Variants in HYDIN observed in about 807,000 individuals in gnomAD.
HYDIN encodes axonemal central pair apparatus protein HYDIN.
HYDIN carries 132 observed loss-of-function variants against 403.9 expected under a neutral mutation model. The observed-to-expected ratio is 0.33, with a 90% CI of 0.28 to 0.38. The LOEUF (loss-of-function observed/expected upper bound fraction) is 0.38. Ranked by LOEUF, HYDIN falls within the 10% of genes least tolerant of loss-of-function variation. The pLI is 1.00. For missense variants in HYDIN, 2,827 were observed against 5,009.5 expected (o/e 0.56, Z 13.15); for synonymous variants, 1,202 against 1,891.7 (o/e 0.64, Z 9.46).
At chr16:71,059,788 T>TA (rs1480752566) in intron 18 of HYDIN, among the ~76,000 whole-genome samples, 2 of 152,042 alleles carry the variant, frequency 1.3e-5, no homozygotes, top group African/African-American at 4.8e-5. Flanking sequence ...AATAAAAGTT[T>TA]AAAAAAAAGT....
At chr16:70,966,002 G>C (rs1406538387) in intron 36 of HYDIN, among the ~76,000 whole-genome samples, 2 of 152,208 alleles carry the variant, frequency 1.3e-5, no homozygotes, top group East Asian at 3.9e-4. Context: ...ATGGCATAGA[G>C]AATCTGTGGG....
intron 23 of HYDIN, among the ~76,000 whole-genome samples, chr16:71,017,011 T>A (rs2080282745): frequency 6.6e-6 from 1 of 151,530 alleles, no homozygotes; most frequent in Admixed American, 6.6e-5. Context: ...TTCTCGTGAT[T>A]GTGAGTGAGT....
chr16:70,902,821 ATTT>A (rs60618592), intron 52 of HYDIN, among the ~76,000 whole-genome samples: 507 of 47,236 alleles, frequency 0.011, 11 homozygotes, highest in African/African-American at 0.047. Context: ...ATATATATAT[ATTT>A]TTTTTTTTTT....
intron 75 of HYDIN, among the ~76,000 whole-genome samples, chr16:70,846,386 A>AT (rs2038205984): frequency 6.6e-6 from 1 of 151,518 alleles, no homozygotes; most frequent in Non-Finnish European, 1.5e-5. Flanking sequence ...TTCTAGTTTG[A>AT]TTGCACTGTG....
intron 20 of HYDIN, among the ~76,000 whole-genome samples, chr16:71,026,116 T>A (rs1345736489): frequency 6.6e-6 from 1 of 152,198 alleles, no homozygotes; most frequent in Non-Finnish European, 1.5e-5. Context: ...GTCAGGCTGG[T>A]CTCGAACTCC....
chr16:71,034,315 C>G (rs544183892), intron 18 of HYDIN, among the ~76,000 whole-genome samples: 1 of 151,822 alleles, frequency 6.6e-6, no homozygotes, highest in Non-Finnish European at 1.5e-5. Flanking sequence ...GTACAATGGA[C>G]TGGAAACCTC....
intron 18 of HYDIN, among the ~76,000 whole-genome samples, chr16:71,037,304 T>C (rs1282825841): frequency 6.9e-6 from 1 of 145,502 alleles, no homozygotes; most frequent in East Asian, 2.0e-4. Context: ...CCACGTGACA[T>C]ACAATTATCA....
chr16:71,190,549 T>TA (rs567762101), intron 1 of HYDIN, among the ~76,000 whole-genome samples: 93 of 152,340 alleles, frequency 6.1e-4, no homozygotes, highest in Admixed American at 2.2e-3. Flanking sequence ...GAAAGAAAAT[T>TA]ACTCTTTATA....
Position 71,211,422 on chromosome 16 carries a change from C to T in HYDIN, c.-24+19140G>A, listed in dbSNP as rs149854454. Among the ~76,000 whole-genome samples the T allele has an allele frequency of 6.0e-5, 9 of 151,164 alleles. No homozygotes were observed. In the East Asian group the frequency reaches 1.4e-3, roughly 23 times the overall value. ...TTGGGAGGCCAAGGCGGGCGGATCACGAGGTCAGGAGATCGAGACCATCCT... is the reference window on the plus strand; with the variant it reads ...TTGGGAGGCCAAGGCGGGCGGATCATGAGGTCAGGAGATCGAGACCATCCT... On this transcript the variant is annotated intron_variant, in intron 1 of 85. Coordinates refer to ENST00000393567, the MANE Select transcript of HYDIN (RefSeq NM_001270974.2).
At chr16:70,956,083 G>C (rs2078226579) in intron 39 of HYDIN, among the ~76,000 whole-genome samples, 1 of 152,164 alleles carries the variant, frequency 6.6e-6, no homozygotes, top group South Asian at 2.1e-4. Flanking sequence ...GCCTCCCAAA[G>C]TGCTGGGATT....
intron 52 of HYDIN, among the ~76,000 whole-genome samples, chr16:70,903,248 A>C (rs1424296319): frequency 1.9e-5 from 2 of 103,250 alleles, no homozygotes; most frequent in Non-Finnish European, 4.3e-5. Context: ...TGTAAGTTCT[A>C]GTTTTGGTCT....
At chr16:71,039,170 C>T (rs1018035318) in intron 18 of HYDIN, among the ~76,000 whole-genome samples, 74 of 151,720 alleles carry the variant, frequency 4.9e-4, no homozygotes, top group African/African-American at 1.7e-3. Flanking sequence ...GCCAAGTGAC[C>T]TTGCACTAAT....
chr16:71,062,698 T>G (rs2082132342), intron 16 of HYDIN: 1 of 157,714 alleles, frequency 6.3e-6, no homozygotes, highest in South Asian at 1.8e-4. Flanking sequence ...CCTTGCCCTT[T>G]GTGCTCCATC....
At chr16:71,182,889 A>G (rs1255234341) in intron 3 of HYDIN, among the ~76,000 whole-genome samples, 1 of 152,144 alleles carries the variant, frequency 6.6e-6, no homozygotes, top group Non-Finnish European at 1.5e-5. Flanking sequence ...AAATAAAATA[A>G]GCAAAAATCA....
chr16:71,005,539 T>G (rs1406233743), intron 23 of HYDIN, among the ~76,000 whole-genome samples: 1 of 152,070 alleles, frequency 6.6e-6, no homozygotes, highest in African/African-American at 2.4e-5. Context: ...GAAATAAATA[T>G]CTCTTGTTTA....
intron 30 of HYDIN, among the ~76,000 whole-genome samples, chr16:70,978,255 G>T (rs1311100452): frequency 6.6e-6 from 1 of 150,678 alleles, no homozygotes; most frequent in Admixed American, 6.6e-5. Context: ...CAATCCCTAA[G>T]TCTTGACCAT....
intron 36 of HYDIN, among the ~76,000 whole-genome samples, chr16:70,965,709 A>T (rs547139714): frequency 8.9e-4 from 136 of 152,248 alleles, no homozygotes; most frequent in African/African-American, 3.1e-3. Flanking sequence ...TTTGAACACC[A>T]CTGCTAATAA....
chr16:71,005,431 T>A (rs1170624322), intron 23 of HYDIN, among the ~76,000 whole-genome samples: 1 of 151,966 alleles, frequency 6.6e-6, no homozygotes, highest in Admixed American at 6.6e-5. Flanking sequence ...TACGATCACA[T>A]GGTGAGAAGG....
Position 71,202,643 on chromosome 16 carries a change from T to C in HYDIN, c.-23-15725A>G, listed in dbSNP as rs552599271. ...TTGTTGTACCAGTTTTTCTAATCTA[T>C]AGAATTTTCTAACATGAGAAAATGT... On this transcript the variant is annotated intron_variant, in intron 1 of 85. Coordinates refer to ENST00000393567, the MANE Select transcript of HYDIN (RefSeq NM_001270974.2). Among the ~76,000 whole-genome samples, 31 of 152,308 alleles carry C rather than the reference T, an allele frequency of 2.0e-4. No homozygotes were observed. In the South Asian group the frequency reaches 4.4e-3, roughly 21 times the overall value.
Sources: allele counts gnomAD v4.1 joint callset (sites outside exome capture counted in the v4.1 genomes callset), GRCh38; gene constraint gnomAD v4.1.1; transcripts MANE v1.5; gene names NCBI Gene and HGNC (gene_info 2026-07-23, HGNC 2026-07-21).